TRRAP: variants seen among roughly 807,000 people sequenced by gnomAD.
TRRAP encodes transformation/transcription domain-associated protein.
In TRRAP, 41 loss-of-function variants were observed where a neutral mutation model predicts 438.8. The observed-to-expected ratio is 0.09, with a 90% CI of 0.07 to 0.12. TRRAP has a LOEUF of 0.12. Among genes scored for constraint, TRRAP ranks in the 10% least tolerant of loss-of-function variants. The pLI is 1.00. For missense variants in TRRAP, 3,122 were observed against 5,055.1 expected (o/e 0.62, Z 11.60); for synonymous variants, 1,994 against 1,962.9 (o/e 1.02, Z -0.42).
chr7:98,898,655 T>A (rs1796333039), intron 8 of TRRAP, among the ~76,000 whole-genome samples: 1 of 152,220 alleles, frequency 6.6e-6, no homozygotes, highest in Non-Finnish European at 1.5e-5. Flanking sequence ...ATTTTGAGCC[T>A]GACATTTTCC....
intron 40 of TRRAP, among the ~76,000 whole-genome samples, chr7:98,954,634 C>G (rs1457208441): frequency 6.6e-6 from 1 of 152,258 alleles, no homozygotes; most frequent in East Asian, 1.9e-4. Flanking sequence ...ACCCCGTCCC[C>G]TCTACCCTCA....
chr7:98,993,286 A>C (rs1652573560), intron 65 of TRRAP, among the ~76,000 whole-genome samples: 1 of 152,230 alleles, frequency 6.6e-6, no homozygotes. Flanking sequence ...CCTAAAACAC[A>C]TACACGGGTT....
At chr7:98,983,017 T>G (rs769805943) in intron 59 of TRRAP, among the ~76,000 whole-genome samples, 4 of 152,098 alleles carry the variant, frequency 2.6e-5, no homozygotes, top group African/African-American at 4.8e-5. Flanking sequence ...TCTCCCAGTC[T>G]CCTGTCTCTC....
intron 70 of TRRAP, among the ~76,000 whole-genome samples, chr7:99,009,196 G>A (rs191150984): frequency 6.0e-4 from 91 of 152,234 alleles, no homozygotes; most frequent in Non-Finnish European, 1.2e-3. Context: ...TGGGCTTTAG[G>A]TGGGGAGATT....
chr7:98,936,451 T>G (rs547130740), intron 28 of TRRAP, among the ~76,000 whole-genome samples: 7 of 152,328 alleles, frequency 4.6e-5, no homozygotes, highest in African/African-American at 1.7e-4. Flanking sequence ...TTAGCCATTG[T>G]GGGTGCTACT....
At chr7:98,917,790 TG>T in intron 20 of TRRAP, 111 bp downstream of exon 20, 1 of 1,384,924 alleles carries the variant, frequency 7.2e-7, no homozygotes, top group Non-Finnish European at 9.7e-7. Context: ...TGCAGCTCTC[TG>T]TTTAATTCAT....
intron 40 of TRRAP, among the ~76,000 whole-genome samples, chr7:98,953,820 C>T (rs543006727): frequency 6.6e-6 from 1 of 152,282 alleles, no homozygotes; most frequent in Admixed American, 6.5e-5. Flanking sequence ...TGCTTTACCA[C>T]AGTGAAAGGA....
chr7:98,955,744 A>T (rs1791571407), intron 41 of TRRAP, among the ~76,000 whole-genome samples: 1 of 152,160 alleles, frequency 6.6e-6, no homozygotes, highest in African/African-American at 2.4e-5. Flanking sequence ...AAGAGAAAGG[A>T]TTGAGTTGAA....
At position 98,994,997 on chromosome 7, in the gene TRRAP, G is replaced by GTC; in HGVS notation, c.10309+150_10309+151insCT. The GTC allele has an allele frequency of 1.7e-6, 2 of 1,199,394 alleles. No individual in the cohort carries two copies. The highest frequency in any genetic ancestry group is 2.3e-6 in the Non-Finnish European group (2 of 874,222). 74.3% of individuals were successfully genotyped at this position (1,199,394 alleles called of 1,614,324 possible). On this transcript the variant is annotated intron_variant, in intron 67 of 72. Transcript: ENST00000456197. This position sits in a 1 kb window ranked among gnomAD's most constrained non-coding sequence, Gnocchi z 4.8. Reference sequence around the variant, plus strand: ...CTCTGTTTACAGTGCAGACTTCAGAGTGCATAGCTGAGACCACATGTTTTT... The same window carrying GTC: ...CTCTGTTTACAGTGCAGACTTCAGAGTCTGCATAGCTGAGACCACATGTTTTT...
intron 3 of TRRAP, among the ~76,000 whole-genome samples, chr7:98,886,255 A>G (rs1554403936): frequency 6.6e-6 from 1 of 152,090 alleles, no homozygotes; most frequent in Non-Finnish European, 1.5e-5. Context: ...ATGCCATTGC[A>G]CTCCAGCCTG....
chr7:99,001,091 T>A (rs1483606254), intron 67 of TRRAP, among the ~76,000 whole-genome samples: 2 of 152,234 alleles, frequency 1.3e-5, no homozygotes. Context: ...AAAATCTTCA[T>A]CTCCTTAATC....
At chr7:98,978,448 A>G (rs1792768648) in intron 57 of TRRAP, 125 bp downstream of exon 57, 1 of 855,376 alleles carries the variant, frequency 1.2e-6, no homozygotes, top group South Asian at 1.7e-5. Flanking sequence ...CCACATAAAG[A>G]ACAAATAGAA....
chr7:98,949,624 C>G (rs372081922), intron 36 of TRRAP, 36 bp from the exon 37 acceptor site: 1 of 1,595,198 alleles, frequency 6.3e-7, no homozygotes, highest in Non-Finnish European at 8.5e-7. Context: ...GGGGTTTAAT[C>G]GAGACACGGT....
intron 46 of TRRAP, among the ~76,000 whole-genome samples, 181 bp downstream of exon 46, chr7:98,961,655 C>T (rs1791897431): frequency 6.6e-6 from 1 of 152,334 alleles, no homozygotes; most frequent in African/African-American, 2.4e-5. Flanking sequence ...TGTGGTGGCT[C>T]ACGCCTGTAA....
intron 70 of TRRAP, 72 bp downstream of exon 70, chr7:99,008,633 A>G (rs915493458): frequency 4.0e-6 from 6 of 1,518,174 alleles, no homozygotes; most frequent in East Asian, 4.6e-5. Context: ...GCCTGGAGAC[A>G]GGGGTGTTTA....
At chr7:98,925,318 G>T (rs1789997614) in intron 22 of TRRAP, 55 bp downstream of exon 22, 1 of 1,580,168 alleles carries the variant, frequency 6.3e-7, no homozygotes, top group African/African-American at 1.3e-5. Flanking sequence ...TAGGAATTGG[G>T]GCTGCAGAGG....
intron 23 of TRRAP, among the ~76,000 whole-genome samples, chr7:98,929,333 C>G (rs1354592122): frequency 6.6e-6 from 1 of 152,216 alleles, no homozygotes; most frequent in African/African-American, 2.4e-5. Flanking sequence ...AGTGATTCCC[C>G]TGCCTTGGCT....
intron 7 of TRRAP, 72 bp downstream of exon 7, chr7:98,895,892 G>C: frequency 2.4e-6 from 3 of 1,266,562 alleles, no homozygotes; most frequent in Non-Finnish European, 3.3e-6. Flanking sequence ...CTTTAGAACA[G>C]TTGGGTTGCA....
chr7:98,926,566 C>A (rs954506746), intron 22 of TRRAP, among the ~76,000 whole-genome samples: 3 of 152,046 alleles, frequency 2.0e-5, no homozygotes, highest in South Asian at 2.1e-4. Context: ...AATCTGCCAC[C>A]AGCACATCTT....
Sources: allele counts gnomAD v4.1 joint callset (sites outside exome capture counted in the v4.1 genomes callset), GRCh38; gene constraint gnomAD v4.1.1; non-coding constraint Gnocchi (gnomAD v3.1); transcripts MANE v1.5; gene names NCBI Gene and HGNC (gene_info 2026-07-23, HGNC 2026-07-21).